Variants in ZFAND6 observed in about 807,000 individuals in gnomAD.
ZFAND6 encodes zinc finger AN1-type containing 6, also known as AN1-type zinc finger protein 6.
Under a neutral mutation model 24.5 loss-of-function variants are expected in ZFAND6, and 12 were observed. That is an observed-to-expected ratio of 0.49 (90% CI 0.31 to 0.79). The LOEUF is 0.79. Among genes scored for constraint, ZFAND6 ranks in the 30% least tolerant of loss-of-function variants. The pLI is 0.04. For missense variants in ZFAND6, 207 were observed against 245.9 expected (o/e 0.84, Z 1.06); for synonymous variants, 92 against 81.5 (o/e 1.13, Z -0.69).
chr15:80,119,371 A>G (rs2040044080), intron 2 of ZFAND6, among the ~76,000 whole-genome samples: 2 of 152,186 alleles, frequency 1.3e-5, no homozygotes, highest in Non-Finnish European at 2.9e-5. Context: ...GGTACAAATC[A>G]GGGAAAAACA....
intron 2 of ZFAND6, among the ~76,000 whole-genome samples, chr15:80,119,570 T>C (rs2040053129): frequency 8.3e-6 from 1 of 120,764 alleles, no homozygotes; most frequent in South Asian, 2.9e-4. Context: ...TTGTCATTTA[T>C]ATATCATGCT....
intron 1 of ZFAND6, among the ~76,000 whole-genome samples, chr15:80,068,139 T>TTTTG (rs1555426708): frequency 2.3e-4 from 31 of 136,932 alleles, no homozygotes; most frequent in Non-Finnish European, 3.9e-4. Flanking sequence ...TTTTTTTTTT[T>TTTTG]TTTGTTTGTT....
intron 5 of ZFAND6, among the ~76,000 whole-genome samples, chr15:80,127,531 A>T (rs2040416720): frequency 6.9e-6 from 1 of 145,296 alleles, no homozygotes; most frequent in African/African-American, 2.6e-5. Context: ...TGGAGGTTGC[A>T]GTGAGCTGAG....
intron 1 of ZFAND6, among the ~76,000 whole-genome samples, chr15:80,088,042 A>G (rs1302623601): frequency 6.6e-6 from 1 of 152,124 alleles, no homozygotes; most frequent in Non-Finnish European, 1.5e-5. Flanking sequence ...TTAAGTTATC[A>G]AAATCAGGAA....
At chr15:80,087,860 C>T (rs1170664983) in intron 1 of ZFAND6, among the ~76,000 whole-genome samples, 4 of 152,026 alleles carry the variant, frequency 2.6e-5, no homozygotes, top group Admixed American at 2.6e-4. Context: ...GTGTATTATG[C>T]ATGCATATAT....
intron 1 of ZFAND6, chr15:80,060,264 T>C (rs1458838955): frequency 1.3e-5 from 2 of 151,984 alleles, no homozygotes; most frequent in Non-Finnish European, 2.9e-5. Flanking sequence ...TTCGGGATGT[T>C]TTTCCACCTG....
chr15:80,061,891 A>G (rs2036354230), intron 1 of ZFAND6, among the ~76,000 whole-genome samples: 2 of 152,222 alleles, frequency 1.3e-5, no homozygotes, highest in African/African-American at 4.8e-5. Flanking sequence ...AATGAAAAAC[A>G]TTAGGATTCT....
chr15:80,128,022 T>G (rs933394528), intron 5 of ZFAND6, among the ~76,000 whole-genome samples: 10 of 152,258 alleles, frequency 6.6e-5, no homozygotes, highest in African/African-American at 2.4e-4. Context: ...AAGGAAATTC[T>G]GATACATGCC....
intron 2 of ZFAND6, among the ~76,000 whole-genome samples, chr15:80,108,647 C>T (rs2039455975): frequency 6.6e-6 from 1 of 152,178 alleles, no homozygotes; most frequent in South Asian, 2.1e-4. Context: ...AAATTAGTCA[C>T]ATTGCTAAAT....
intron 1 of ZFAND6, among the ~76,000 whole-genome samples, chr15:80,079,540 T>A (rs769853131): frequency 5.3e-5 from 8 of 152,002 alleles, no homozygotes; most frequent in Non-Finnish European, 8.8e-5. Flanking sequence ...TTTCTTTTGC[T>A]GTTCTTTTGG....
chr15:80,111,542 CA>C, intron 2 of ZFAND6: 1 of 455,928 alleles, frequency 2.2e-6, no homozygotes. Flanking sequence ...CAGATGCAAA[CA>C]ATACAGTGGC....
chr15:80,094,002 CTATT>C (rs1367350221), intron 1 of ZFAND6, among the ~76,000 whole-genome samples: 15 of 152,128 alleles, frequency 9.9e-5, no homozygotes, highest in Admixed American at 2.6e-4. Flanking sequence ...AACTGGAGCA[CTATT>C]TATTATAACT....
intron 1 of ZFAND6, among the ~76,000 whole-genome samples, chr15:80,077,635 A>AATT (rs2037358709): frequency 6.6e-6 from 1 of 152,004 alleles, no homozygotes; most frequent in Admixed American, 6.5e-5. Context: ...AATTAAAGGT[A>AATT]ATTATAAGCA....
chr15:80,099,618 CT>C (rs3082079), intron 2 of ZFAND6, among the ~76,000 whole-genome samples: 2,380 of 109,152 alleles, frequency 0.022, 93 homozygotes, highest in African/African-American at 0.074. Context: ...TATGGATATC[CT>C]TTTTTTTTTT....
chr15:80,124,075 A>C (rs2040265172), intron 5 of ZFAND6, among the ~76,000 whole-genome samples: 1 of 152,222 alleles, frequency 6.6e-6, no homozygotes, highest in African/African-American at 2.4e-5. Flanking sequence ...TTTTAAGTGA[A>C]TAATTCTTAT....
At chr15:80,092,536 G>C (rs2038446420) in intron 1 of ZFAND6, among the ~76,000 whole-genome samples, 1 of 152,060 alleles carries the variant, frequency 6.6e-6, no homozygotes, top group Non-Finnish European at 1.5e-5. Context: ...TTTATTAGAG[G>C]GGTAGTAACG....
rs926615197 is a variant in ZFAND6, at chr15:80,092,705, T to C, written c.-180-5711T>C. 4.6e-5 allele frequency among the ~76,000 whole-genome samples: 7 copies of C among 152,092 alleles called. No homozygotes were observed. The East Asian group carries it at 5.8e-4, about 13-fold the overall frequency. On this transcript the variant is annotated intron_variant, in intron 1 of 6. Transcript: ENST00000261749. Reference sequence around the variant, plus strand: ...TCATTGACGGTGTTACCCTGGAATGTTTTACCTTGGCAACATTGACACACT... The same window carrying C: ...TCATTGACGGTGTTACCCTGGAATGCTTTACCTTGGCAACATTGACACACT...
At chr15:80,100,042 A>G (rs1015046337) in intron 2 of ZFAND6, among the ~76,000 whole-genome samples, 5 of 152,142 alleles carry the variant, frequency 3.3e-5, no homozygotes, top group Non-Finnish European at 5.9e-5. Context: ...TTTCTTTTCT[A>G]TATTGGTCAG....
At chr15:80,089,737 C>T (rs550717355) in intron 1 of ZFAND6, among the ~76,000 whole-genome samples, 4 of 152,128 alleles carry the variant, frequency 2.6e-5, no homozygotes, top group East Asian at 1.9e-4. Context: ...CCACCCAGTC[C>T]GTTTTAGCCT....
Sources: gnomAD v4.1 joint callset for allele counts (sites outside exome capture counted in the v4.1 genomes callset) on GRCh38, gnomAD v4.1.1 for gene constraint, MANE v1.5 for transcripts, NCBI Gene and HGNC (gene_info 2026-07-23, HGNC 2026-07-21) for gene names.